The following PDE8B variants were observed in gnomAD, a reference collection of about 807,000 sequenced individuals.
PDE8B encodes the protein high affinity cAMP-specific and IBMX-insensitive 3',5'-cyclic phosphodiesterase 8B.
PDE8B carries 26 observed loss-of-function variants against 101.3 expected under a neutral mutation model. The ratio of observed to expected loss-of-function variants is 0.26; its 90% CI spans 0.19 to 0.36. The LOEUF (loss-of-function observed/expected upper bound fraction) is 0.36. PDE8B is among the 10% of genes least tolerant of loss of function. The pLI is 1.00. For synonymous variants in PDE8B, 424 were observed against 429.3 expected (o/e 0.99, Z 0.15); for missense variants, 810 against 1,163.1 (o/e 0.70, Z 4.42).
Position 77,257,030 on chromosome 5 carries a change from A to G in PDE8B, c.339+45766A>G, listed in dbSNP as rs563940712. On this transcript the variant is annotated intron_variant, in intron 1 of 21. Transcript: ENST00000264917. ...GTGAATTGAATGGTAGTGATCGTAC[A>G]TAGAATATGATGTCAATCACAAAAA... Among the ~76,000 whole-genome samples, 4 of 152,322 alleles carry G rather than the reference A, an allele frequency of 2.6e-5. No individual in the cohort carries two copies. In the East Asian group the frequency reaches 7.7e-4, roughly 29 times the overall value.
At chr5:77,372,191 T>G (rs1337058966) in intron 10 of PDE8B, among the ~76,000 whole-genome samples, 3 of 143,368 alleles carry the variant, frequency 2.1e-5, no homozygotes, top group Non-Finnish European at 4.5e-5. Context: ...TAGAGTGAGA[T>G]TCTGTCTCAA....
At chr5:77,384,508 T>G (rs549287814) in intron 10 of PDE8B, among the ~76,000 whole-genome samples, 1 of 152,224 alleles carries the variant, frequency 6.6e-6, no homozygotes, top group Non-Finnish European at 1.5e-5. Flanking sequence ...TCCAATACCA[T>G]GTTGAATAGG....
intron 1 of PDE8B, among the ~76,000 whole-genome samples, chr5:77,274,690 G>A (rs1324470376): frequency 6.6e-6 from 1 of 152,020 alleles, no homozygotes; most frequent in Non-Finnish European, 1.5e-5. Flanking sequence ...ACTAGTAAAG[G>A]CACAGTGTTC....
chr5:77,385,568 G>T (rs1013992466), intron 10 of PDE8B, among the ~76,000 whole-genome samples: 2 of 151,870 alleles, frequency 1.3e-5, no homozygotes, highest in African/African-American at 4.8e-5. Flanking sequence ...TGATGTTAGG[G>T]TGTCTATTTT....
At chr5:77,218,868 CAT>C (rs1750407114) in intron 1 of PDE8B, among the ~76,000 whole-genome samples, 1 of 152,132 alleles carries the variant, frequency 6.6e-6, no homozygotes, top group African/African-American at 2.4e-5. Context: ...ATTTTTGAAA[CAT>C]GTAATTTTTT....
At chr5:77,378,736 C>T (rs1232313935) in intron 10 of PDE8B, among the ~76,000 whole-genome samples, 28 of 152,196 alleles carry the variant, frequency 1.8e-4, no homozygotes, top group Admixed American at 1.8e-3. Flanking sequence ...ACTAAAGTCT[C>T]AGCCTCACCT....
chr5:77,186,317 C>T, the PDE8B span, among the ~76,000 whole-genome samples: 3 of 152,338 alleles, frequency 2.0e-5, no homozygotes, highest in Non-Finnish European at 4.4e-5. Context: ...CCAAAAGGAA[C>T]AGAAGAGACT....
chr5:77,353,834 A>T (rs1041209966), intron 10 of PDE8B, among the ~76,000 whole-genome samples: 2 of 152,218 alleles, frequency 1.3e-5, no homozygotes, highest in Admixed American at 6.5e-5. Flanking sequence ...ATACAGAAGA[A>T]TACATCTGGA....
At chr5:77,181,269 G>A in the PDE8B span, among the ~76,000 whole-genome samples, 6 of 152,182 alleles carry the variant, frequency 3.9e-5, no homozygotes, top group Non-Finnish European at 7.3e-5. Context: ...CCCACGCTGC[G>A]GGGTCGCAGG....
intron 1 of PDE8B, among the ~76,000 whole-genome samples, chr5:77,225,520 C>G (rs1457081939): frequency 1.3e-5 from 2 of 151,980 alleles, no homozygotes; most frequent in Admixed American, 6.5e-5. Context: ...CATTCCCTGT[C>G]TCTGATCTAG....
At chr5:77,303,910 A>G (rs1770569662) in intron 1 of PDE8B, among the ~76,000 whole-genome samples, 1 of 152,176 alleles carries the variant, frequency 6.6e-6, no homozygotes, top group Non-Finnish European at 1.5e-5. Flanking sequence ...ATTCTATTGT[A>G]TGGCTAGTCC....
chr5:77,319,069 A>G (rs1286730990), intron 2 of PDE8B, among the ~76,000 whole-genome samples: 1 of 152,222 alleles, frequency 6.6e-6, no homozygotes, highest in Non-Finnish European at 1.5e-5. Context: ...TCAAAAAGAT[A>G]TGTTTCAGCT....
intron 1 of PDE8B, among the ~76,000 whole-genome samples, chr5:77,229,901 T>G (rs1232648103): frequency 6.6e-6 from 1 of 152,246 alleles, no homozygotes; most frequent in Non-Finnish European, 1.5e-5. Flanking sequence ...GCTATGAACA[T>G]TCTTGCACAG....
At chr5:77,311,915 C>A in intron 1 of PDE8B, 79 bp from the exon 2 acceptor site, 4 of 1,101,912 alleles carry the variant, frequency 3.6e-6, no homozygotes, top group Non-Finnish European at 5.6e-6. Flanking sequence ...TGGCATAATG[C>A]AATGCGTTGC....
In PDE8B at chr5:77,291,470, T is replaced by C; in HGVS notation, c.340-20524T>C. Reference sequence around the variant, plus strand: ...CATCCATTGCACACACAGAGACTTTTGCTCCGATTCTGTATGTCTTTAAAT... The same window carrying C: ...CATCCATTGCACACACAGAGACTTTCGCTCCGATTCTGTATGTCTTTAAAT... On this transcript the variant is annotated intron_variant, in intron 1 of 21. Transcript: ENST00000264917. 2.5e-6 allele frequency: 4 copies of C among 1,611,008 alleles called. No individual in the cohort carries two copies. In the South Asian group the frequency reaches 3.3e-5, roughly 13 times the overall value.
intron 20 of PDE8B, among the ~76,000 whole-genome samples, chr5:77,424,826 G>GTTT (rs36120983): frequency 3.1e-4 from 45 of 147,302 alleles, no homozygotes; most frequent in Admixed American, 5.4e-4. Context: ...TTTGTTTTTT[G>GTTT]TTTTTTGTTT....
intron 10 of PDE8B, among the ~76,000 whole-genome samples, chr5:77,379,223 A>G (rs1419076252): frequency 2.0e-5 from 3 of 152,254 alleles, no homozygotes; most frequent in Non-Finnish European, 4.4e-5. Context: ...GCACAGGAAA[A>G]TGATGCTTAA....
chr5:77,093,843 A>G, the PDE8B span, among the ~76,000 whole-genome samples: 1 of 151,996 alleles, frequency 6.6e-6, no homozygotes, highest in Non-Finnish European at 1.5e-5. Context: ...GGTGTCATGA[A>G]AAGCTCTGCA....
At chr5:77,180,509 C>A in the PDE8B span, 6 of 984,662 alleles carry the variant, frequency 6.1e-6, no homozygotes, top group Non-Finnish European at 7.2e-6. Context: ...CGCGGGGGAC[C>A]GCGCAGCCCT....
Sources: allele counts gnomAD v4.1 joint callset (sites outside exome capture counted in the v4.1 genomes callset), GRCh38; gene constraint gnomAD v4.1.1; transcripts MANE v1.5; gene names NCBI Gene and HGNC (gene_info 2026-07-23, HGNC 2026-07-21).